ASAP1: variants seen among roughly 807,000 people sequenced by gnomAD.
ASAP1 encodes ArfGAP with SH3 domain, ankyrin repeat and PH domain 1.
ASAP1 carries 43 observed loss-of-function variants against 145.2 expected under a neutral mutation model. The observed-to-expected ratio is 0.30, with a 90% CI of 0.23 to 0.38. ASAP1 has a LOEUF of 0.38. Ranked by LOEUF, ASAP1 falls within the 10% of genes least tolerant of loss-of-function variation. ASAP1 has a pLI of 1.00. For synonymous variants in ASAP1, 546 were observed against 515.5 expected, an observed-to-expected ratio of 1.06 and a Z score of -0.80; for missense variants, 1,018 against 1,355.3, an observed-to-expected ratio of 0.75 and a Z score of 3.91.
At chr8:130,301,548 G>A (rs1007839486) in intron 3 of ASAP1, among the ~76,000 whole-genome samples, 76 of 152,142 alleles carry the variant, frequency 5.0e-4, no homozygotes, top group African/African-American at 1.8e-3. Flanking sequence ...AATAATCATG[G>A]CAGTGGTGTT....
At chr8:130,381,107 A>G (rs1827746726) in intron 2 of ASAP1, among the ~76,000 whole-genome samples, 1 of 152,042 alleles carries the variant, frequency 6.6e-6, no homozygotes, top group South Asian at 2.1e-4. Context: ...GCTGGTCTTG[A>G]ACTCCGGACC....
intron 3 of ASAP1, among the ~76,000 whole-genome samples, chr8:130,278,634 G>A (rs1231995158): frequency 6.6e-6 from 1 of 152,092 alleles, no homozygotes; most frequent in Non-Finnish European, 1.5e-5. Flanking sequence ...ATTGGACTGG[G>A]ACATACGATA....
intron 5 of ASAP1, among the ~76,000 whole-genome samples, chr8:130,199,583 T>G (rs1815734307): frequency 1.3e-5 from 2 of 152,214 alleles, no homozygotes; most frequent in African/African-American, 4.8e-5. Flanking sequence ...TGTTCTAGAC[T>G]TGAACCTGTC....
intron 7 of ASAP1, among the ~76,000 whole-genome samples, chr8:130,182,734 G>T (rs992549942): frequency 2.6e-5 from 4 of 150,980 alleles, no homozygotes; most frequent in Admixed American, 6.6e-5. Context: ...AGGAACCAGA[G>T]GCACTAAGGA....
At chr8:130,102,343 C>T (rs1359513246) in intron 24 of ASAP1, among the ~76,000 whole-genome samples, 5 of 152,116 alleles carry the variant, frequency 3.3e-5, no homozygotes, top group African/African-American at 1.2e-4. Context: ...TTTCTGCATC[C>T]ATTTAGGTCA....
chr8:130,181,026 G>A, intron 7 of ASAP1, 146 bp from the exon 8 acceptor site: 1 of 610,628 alleles, frequency 1.6e-6, no homozygotes, highest in South Asian at 3.2e-5. Context: ...CCACTCTGGT[G>A]GGGGTCAGTG....
At chr8:130,056,249 G>T (rs572558346) in intron 29 of ASAP1, among the ~76,000 whole-genome samples, 2 of 152,226 alleles carry the variant, frequency 1.3e-5, no homozygotes, top group Admixed American at 6.5e-5. Context: ...ATTCACGTGG[G>T]GGGGCTTCAG....
At chr8:130,105,256 T>C (rs1015999954) in intron 24 of ASAP1, among the ~76,000 whole-genome samples, 2 of 152,106 alleles carry the variant, frequency 1.3e-5, no homozygotes, top group African/African-American at 2.4e-5. Context: ...ATAGCAACCA[T>C]TTACATAGCA....
intron 7 of ASAP1, among the ~76,000 whole-genome samples, 178 bp from the exon 8 acceptor site, chr8:130,181,058 G>C (rs1044862260): frequency 6.7e-5 from 10 of 149,890 alleles, no homozygotes; most frequent in African/African-American, 2.5e-4. Flanking sequence ...GGCTGTGCAT[G>C]TGTGGGGGGA....
intron 24 of ASAP1, among the ~76,000 whole-genome samples, chr8:130,094,165 A>G (rs911141575): frequency 6.6e-6 from 1 of 152,164 alleles, no homozygotes; most frequent in South Asian, 2.1e-4. Context: ...AGTTTTCAAA[A>G]TGTGTTTATA....
At chr8:130,334,858 C>G (rs140640506) in intron 3 of ASAP1, among the ~76,000 whole-genome samples, 1 of 152,336 alleles carries the variant, frequency 6.6e-6, no homozygotes, top group Non-Finnish European at 1.5e-5. Flanking sequence ...GACTAAAAAT[C>G]ATCATCCCAC....
At chr8:130,408,144 C>T (rs1424353830) in intron 1 of ASAP1, among the ~76,000 whole-genome samples, 4 of 152,222 alleles carry the variant, frequency 2.6e-5, no homozygotes, top group Non-Finnish European at 5.9e-5. Flanking sequence ...CACTTGTGAA[C>T]TCTAACAGCA....
chr8:130,076,504 C>A, intron 26 of ASAP1, 98 bp from the exon 27 acceptor site: 1 of 917,854 alleles, frequency 1.1e-6, no homozygotes, highest in South Asian at 1.6e-5. Flanking sequence ...TTTACATAAT[C>A]ATCTAAAGAA....
At chr8:130,230,875 T>C (rs1329234567) in intron 4 of ASAP1, among the ~76,000 whole-genome samples, 3 of 152,126 alleles carry the variant, frequency 2.0e-5, no homozygotes, top group Admixed American at 6.6e-5. Context: ...TAAGAAAACT[T>C]TTCTCCCCAC....
intron 5 of ASAP1, among the ~76,000 whole-genome samples, chr8:130,207,858 C>T (rs758245144): frequency 6.6e-6 from 1 of 152,140 alleles, no homozygotes; most frequent in Non-Finnish European, 1.5e-5. Flanking sequence ...ATAGCAACCA[C>T]ATATAGGACT....
At chr8:130,054,966 G>A (rs999315287) in intron 29 of ASAP1, among the ~76,000 whole-genome samples, 161 bp from the exon 30 acceptor site, 8 of 152,204 alleles carry the variant, frequency 5.3e-5, no homozygotes, top group South Asian at 2.1e-4. Context: ...AGAGCTTAAC[G>A]GTCATAAACT....
At chr8:130,079,334 G>A (rs2097473095) in intron 26 of ASAP1, among the ~76,000 whole-genome samples, 1 of 152,062 alleles carries the variant, frequency 6.6e-6, no homozygotes, top group Non-Finnish European at 1.5e-5. Flanking sequence ...TTAGGGTAAG[G>A]CTGGATAAAA....
At chr8:130,367,547 G>A (rs1408755992) in intron 2 of ASAP1, among the ~76,000 whole-genome samples, 1 of 152,190 alleles carries the variant, frequency 6.6e-6, no homozygotes, top group Non-Finnish European at 1.5e-5. Flanking sequence ...ATGCCAGGGA[G>A]GTAGGCTCCT....
chr8:130,433,254 C>G (rs1830199440), intron 1 of ASAP1, among the ~76,000 whole-genome samples: 1 of 152,168 alleles, frequency 6.6e-6, no homozygotes, highest in South Asian at 2.1e-4. Flanking sequence ...AGAGTTTCAC[C>G]TTTCTCCTTG....
Sources: gnomAD v4.1 joint callset for allele counts (sites outside exome capture counted in the v4.1 genomes callset) on GRCh38, gnomAD v4.1.1 for gene constraint, MANE v1.5 for transcripts, NCBI Gene and HGNC (gene_info 2026-07-23, HGNC 2026-07-21) for gene names.